The following SLC39A1 variants were observed in gnomAD, a reference collection of about 807,000 sequenced individuals.
The protein encoded by SLC39A1 is solute carrier family 39 member 1.
A neutral mutation model predicts 21.4 loss-of-function variants in SLC39A1; 17 were observed. That is an observed-to-expected ratio of 0.79 (90% confidence interval 0.54 to 1.19). The LOEUF is 1.19. SLC39A1 is among the 50% of genes most tolerant of loss of function. SLC39A1 has a pLI of 0.00. For synonymous variants in SLC39A1, 183 were observed against 185.9 expected, an observed-to-expected ratio of 0.98 and a Z score of 0.13; for missense variants, 343 against 399.8, an observed-to-expected ratio of 0.86 and a Z score of 1.21.
intron 3 of SLC39A1, 126 bp downstream of exon 3, chr1:153,962,094 T>G: frequency 7.2e-7 from 1 of 1,393,004 alleles, no homozygotes; most frequent in Non-Finnish European, 9.7e-7. Context: ...AAATCACAAT[T>G]CATACCACAT....
At chr1:153,965,606 GAC>G (rs1276070965), upstream of SLC39A1, among the ~76,000 whole-genome samples, 1 of 149,796 alleles carries the variant, frequency 6.7e-6, no homozygotes, top group Non-Finnish European at 1.5e-5. Flanking sequence ...TTTCTTTCTT[GAC>G]AGAGTCTTGC....
chr1:153,962,391 C>T (rs541888675), intron 2 of SLC39A1, 41 bp from the exon 3 acceptor site: 5 of 1,604,896 alleles, frequency 3.1e-6, no homozygotes, highest in Admixed American at 3.4e-5. Flanking sequence ...AGCAAACAAA[C>T]CCCCTCCAGG....
At chr1:153,964,059 G>C (rs893762217), upstream of SLC39A1, among the ~76,000 whole-genome samples, 7 of 152,260 alleles carry the variant, frequency 4.6e-5, no homozygotes, top group Admixed American at 2.0e-4. Context: ...AATTGGAAAG[G>C]GGGGAAAGCA....
In SLC39A1 at chr1:153,962,627, T is replaced by C. The variant is rs1303373420; in HGVS notation, c.89A>G (p.Lys30Arg). The C allele has an allele frequency of 2.5e-6, 4 of 1,613,366 alleles. No individual in the cohort carries two copies. The highest frequency in any genetic ancestry group is 3.4e-6 in the Non-Finnish European group (4 of 1,179,788). The change falls in exon 2 of 4, where the codon AAG becomes AGG. Residue 30 changes from lysine to arginine, a missense_variant. Transcript: ENST00000356205. ...CAGCAGCAGCACCAGGGCCCCCAAC[T>C]TCACCTCCAGCCCCACAGGCACTGG... ...EPPVPVGLEV[K>R]LGALVLLLVL...
rs762360606 is a variant in SLC39A1, at chr1:153,959,598, C to T, written c.*500G>A. On this transcript the variant is annotated 3_prime_UTR_variant, in exon 4 of 4. Transcript: ENST00000356205. ...AAATTGGCAGGGAGAGACCATTTGG[C>T]GCCAGTCCCCTAGGAGATGGGAGGA... 21 of 286,674 alleles carry T rather than the reference C, an allele frequency of 7.3e-5. No homozygotes were observed. Among genetic ancestry groups the T allele is most frequent in the Middle Eastern group, 9.7e-4 (1 of 1,034 alleles). 17.8% of individuals were successfully genotyped at this position (286,674 alleles called of 1,614,324 possible).
intron 2 of SLC39A1, 73 bp from the exon 3 acceptor site, chr1:153,962,423 A>G: frequency 6.3e-7 from 1 of 1,581,838 alleles, no homozygotes; most frequent in Non-Finnish European, 8.6e-7. Flanking sequence ...CAACCCAAAC[A>G]ATGGCTACCC....
At chr1:153,962,889 C>A in intron 1 of SLC39A1, 142 bp from the exon 2 acceptor site, 1 of 563,768 alleles carries the variant, frequency 1.8e-6, no homozygotes, top group Non-Finnish European at 3.0e-6. Context: ...CTCATCTACT[C>A]CTGTACCAGG....
chr1:153,965,362 G>C (rs1299006864), upstream of SLC39A1, among the ~76,000 whole-genome samples: 1 of 151,806 alleles, frequency 6.6e-6, no homozygotes, highest in African/African-American at 2.4e-5. Context: ...GGGAGGCGGA[G>C]GTTGCAGTGA....
upstream of SLC39A1, among the ~76,000 whole-genome samples, chr1:153,964,145 T>G (rs1478013520): frequency 1.3e-5 from 2 of 152,202 alleles, no homozygotes; most frequent in Non-Finnish European, 2.9e-5. Flanking sequence ...CTTCTCCAGG[T>G]GGGTGGGGAC....
rs758343151 is a variant in SLC39A1, at chr1:153,960,062, GATC to G, written c.*33_*35del. 1 of 1,549,636 alleles carries G rather than the reference GATC, an allele frequency of 6.5e-7. No homozygotes were observed. The highest frequency in any genetic ancestry group is 8.7e-7 in the Non-Finnish European group (1 of 1,144,814). ...GAGGGAAGGGAGAACAGGGGCACCT[GATC>G]ATCAATCTCCCCTGCCCCTCTCTTG... On this transcript the variant is annotated 3_prime_UTR_variant, in exon 4 of 4. Transcript: ENST00000356205.
chr1:153,962,709 G>T lies in SLC39A1; in HGVS notation c.7C>A (p.Pro3Thr). 1 of 1,580,974 alleles carries T rather than the reference G, an allele frequency of 6.3e-7. No individual in the cohort carries two copies. Reference protein sequence around the residue: MGPWGEPELLVWR... With the variant: MGTWGEPELLVWR... ...ACCAGGAGCTCTGGCTCTCCCCAGG[G>T]CCCCATGATGCTTCTGGTAGCTCCA... Residue 3 changes from proline (P) to threonine (T), a missense_variant, in exon 2 of 4, where the codon CCC becomes ACC. Coordinates refer to ENST00000356205, the MANE Select transcript of SLC39A1 (RefSeq NM_001271958.2).
intron 3 of SLC39A1, 88 bp downstream of exon 3, chr1:153,962,132 G>A: frequency 2.0e-6 from 3 of 1,528,838 alleles, no homozygotes; most frequent in Non-Finnish European, 2.7e-6. Context: ...CAGTCATGGA[G>A]TGGCACATGA....
intron 3 of SLC39A1, 42 bp downstream of exon 3, chr1:153,962,178 T>C (rs1185210967): frequency 6.2e-6 from 10 of 1,602,440 alleles, no homozygotes; most frequent in Non-Finnish European, 8.5e-6. Context: ...CAGAGGTGTG[T>C]GATTCCCCTC....
chr1:153,962,311 G>A lies in SLC39A1; in HGVS notation c.227C>T (p.Ala76Val), dbSNP rs140573490. ...QKALSLVSCF[A>V]GGVFLATCLL... ...ACAAGTGGCCAAAAAGACGCCCCCC[G>A]CGAAACAGCTTACTAGGCTCAGGGC... The change falls in exon 3 of 4, where the codon GCG becomes GTG. Residue 76 changes from alanine (A) to valine (V), a missense_variant. By Grantham distance (64) the Ala-to-Val change is moderately conservative. Transcript: ENST00000356205. 19 of 1,613,994 alleles carry A rather than the reference G, an allele frequency of 1.2e-5. No homozygotes were observed. The African/African-American group carries it at 1.7e-4, about 15-fold the overall frequency.
intron 1 of SLC39A1, 24 bp downstream of exon 1, chr1:153,963,471 C>T (rs1340106637): frequency 6.6e-6 from 1 of 152,298 alleles, no homozygotes; most frequent in African/African-American, 2.4e-5. Flanking sequence ...ACATGGACCC[C>T]GCTGCCAGAC....
At chr1:153,967,308 C>T (rs895743917), upstream of SLC39A1, 1 of 152,254 alleles carries the variant, frequency 6.6e-6, no homozygotes, top group Non-Finnish European at 1.5e-5. Context: ...ATCACCGCTC[C>T]ACTGGGGTCA....
Position 153,959,277 on chromosome 1 carries a change from T to C in SLC39A1, c.*821A>G, listed in dbSNP as rs1317761121. On this transcript the variant is annotated 3_prime_UTR_variant, in exon 4 of 4. Transcript: ENST00000356205. Reference sequence around the variant, plus strand: ...TCCTCGGGTGTATTTAAAAAAATGTTTTGGCAGCTCAGTGTTTATCATCTG... The same window carrying C: ...TCCTCGGGTGTATTTAAAAAAATGTCTTGGCAGCTCAGTGTTTATCATCTG... The C allele has an allele frequency of 2.3e-5, 9 of 398,884 alleles. No homozygotes were observed. Among genetic ancestry groups the C allele is most frequent in the East Asian group, 1.4e-4 (4 of 28,086 alleles). 24.7% of individuals were successfully genotyped at this position (398,884 alleles called of 1,614,324 possible).
At chr1:153,961,927 T>C (rs1647464665) in intron 3 of SLC39A1, among the ~76,000 whole-genome samples, 1 of 152,090 alleles carries the variant, frequency 6.6e-6, no homozygotes, top group Admixed American at 6.5e-5. Flanking sequence ...GTGAAGATGA[T>C]TCTTGGAGCA....
Position 153,962,643 on chromosome 1 carries a change from C to T in SLC39A1, c.73G>A (p.Val25Met). 18 of 1,613,112 alleles carry T rather than the reference C, an allele frequency of 1.1e-5. No individual in the cohort carries two copies. The highest frequency in any genetic ancestry group is 1.5e-5 in the Non-Finnish European group (18 of 1,179,662). ...GCCCCCAACTTCACCTCCAGCCCCA[C>T]AGGCACTGGAGGCTCTGAAGCTACC... ...EAVASEPPVP[V>M]GLEVKLGALV... Residue 25 changes from valine (V) to methionine (M), a missense_variant, in exon 2 of 4, where the codon GTG becomes ATG. Physicochemically the swap from Val to Met is conservative, Grantham distance 21. Coordinates refer to ENST00000356205, the MANE Select transcript of SLC39A1 (RefSeq NM_001271958.2).
Sources: allele counts gnomAD v4.1 joint callset (sites outside exome capture counted in the v4.1 genomes callset), GRCh38; gene constraint gnomAD v4.1.1; transcripts MANE v1.5; gene names NCBI Gene and HGNC (gene_info 2026-07-23, HGNC 2026-07-21).